The following PDLIM5 variants were observed in gnomAD, a reference collection of about 807,000 sequenced individuals.
PDLIM5 encodes the protein PDZ and LIM domain 5, also known as PDZ and LIM domain protein 5.
PDLIM5 carries 34 observed loss-of-function variants against 64.2 expected under a neutral mutation model. The observed-to-expected ratio is 0.53, with a 90% CI of 0.40 to 0.71. PDLIM5 has a LOEUF of 0.71. Ranked by LOEUF, PDLIM5 falls within the 30% of genes least tolerant of loss-of-function variation. PDLIM5 has a pLI of 0.00. For synonymous variants in PDLIM5, 253 were observed against 269.1 expected, an observed-to-expected ratio of 0.94 and a Z score of 0.59; for missense variants, 683 against 733.6, an observed-to-expected ratio of 0.93 and a Z score of 0.80.
At chr4:94,610,930 T>C (rs1369147470) in intron 7 of PDLIM5, 2 of 598,668 alleles carry the variant, frequency 3.3e-6, no homozygotes, top group Non-Finnish European at 5.9e-6. Context: ...TTTGCTGCTT[T>C]GTGCTTCCCC....
chr4:94,586,393 C>T lies in PDLIM5; in HGVS notation c.884-15C>T. The stretch of plus-strand genomic sequence containing the variant: ...CAAAACAAACTAATATTGGATATTG[C>T]TTATTATATTTCAGTGAAAGAATCT... On this transcript the variant is annotated splice_polypyrimidine_tract_variant and intron_variant, in intron 6 of 12. Transcript: ENST00000317968. 1 of 1,400,354 alleles carries T rather than the reference C, an allele frequency of 7.1e-7. No homozygotes were observed. The highest frequency in any genetic ancestry group is 1.0e-6 in the Non-Finnish European group (1 of 991,422). 86.7% of individuals were successfully genotyped at this position (1,400,354 alleles called of 1,614,324 possible).
At chr4:94,494,050 G>T (rs1171977282) in intron 2 of PDLIM5, among the ~76,000 whole-genome samples, 1 of 151,628 alleles carries the variant, frequency 6.6e-6, no homozygotes, top group Non-Finnish European at 1.5e-5. Flanking sequence ...GCCTCTACTT[G>T]CTGGGTTCAA....
At position 94,490,397 on chromosome 4, in the gene PDLIM5, G is replaced by T. The variant is rs866452529; in HGVS notation, c.97-33327G>T. 9.2e-5 allele frequency among the ~76,000 whole-genome samples: 14 copies of T among 151,894 alleles called. No individual in the cohort carries two copies. In the Middle Eastern group the frequency reaches 0.01, roughly 111 times the overall value. ...TTAAAATAAAAATAAGCTTATTAAA[G>T]ACTTATAAGTAAAATAACTAGAATT... is the stretch of plus-strand genomic sequence containing the variant. On this transcript the variant is annotated intron_variant, in intron 2 of 12. Coordinates refer to ENST00000317968, the MANE Select transcript of PDLIM5 (RefSeq NM_006457.5).
intron 7 of PDLIM5, among the ~76,000 whole-genome samples, chr4:94,609,706 A>G (rs1487868000): frequency 6.6e-6 from 1 of 152,160 alleles, no homozygotes; most frequent in African/African-American, 2.4e-5. Context: ...CATAAGTCGT[A>G]TTAAAATGTC....
At chr4:94,557,531 T>A (rs1007988983) in intron 3 of PDLIM5, among the ~76,000 whole-genome samples, 2 of 152,184 alleles carry the variant, frequency 1.3e-5, no homozygotes, top group Non-Finnish European at 2.9e-5. Flanking sequence ...ATTCTTCCTA[T>A]CCATGAGCAT....
rs750085117 is a variant in PDLIM5 at position 94,662,544 on chromosome 4, A to G, written c.1701+7A>G. 7.2e-6 allele frequency: 10 copies of G among 1,387,198 alleles called. No homozygotes were observed. Among genetic ancestry groups the G allele is most frequent in the Middle Eastern group, 1.8e-4 (1 of 5,620 alleles). 85.9% of individuals were successfully genotyped at this position (1,387,198 alleles called of 1,614,324 possible). A position where few individuals can be genotyped will look rare whatever the true frequency, so the allele number is the denominator to read the frequency against. On this transcript the variant is annotated splice_region_variant and intron_variant, in intron 12 of 12. Transcript: ENST00000317968. The stretch of plus-strand genomic sequence containing the variant: ...CACTTGCTTTGTATGCTCAGTAAGT[A>G]GAGTCTTATTTCCTAATTAAAGGGG...
chr4:94,576,859 C>A lies in PDLIM5; in HGVS notation c.710+825C>A, dbSNP rs1042951393. Among the ~76,000 whole-genome samples, 5 of 152,114 alleles carry A rather than the reference C, an allele frequency of 3.3e-5. No homozygotes were observed. The East Asian group carries it at 9.7e-4, about 29-fold the overall frequency. On this transcript the variant is annotated intron_variant, in intron 5 of 12. Transcript: ENST00000317968. ...AGATCACACATCTGTTTTTCAGCAA[C>A]CTTCAATTATTTGTTTATTTTTTTT...
intron 2 of PDLIM5, among the ~76,000 whole-genome samples, chr4:94,508,140 A>G (rs1430374112): frequency 6.6e-6 from 1 of 150,888 alleles, no homozygotes; most frequent in African/African-American, 2.5e-5. Context: ...ACATAAGAAC[A>G]TTTCCTTTCC....
At chr4:94,622,933 T>A (rs1178160510) in intron 8 of PDLIM5, among the ~76,000 whole-genome samples, 1 of 152,030 alleles carries the variant, frequency 6.6e-6, no homozygotes, top group Admixed American at 6.5e-5. Context: ...CCTCCCAAAG[T>A]GCTGGGATTA....
At chr4:94,574,629 A>T (rs1246864878) in intron 4 of PDLIM5, among the ~76,000 whole-genome samples, 1 of 152,028 alleles carries the variant, frequency 6.6e-6, no homozygotes, top group Non-Finnish European at 1.5e-5. Flanking sequence ...ATAGGGATTT[A>T]TTCTTGATCT....
At chr4:94,630,259 C>G (rs1452509313) in intron 8 of PDLIM5, among the ~76,000 whole-genome samples, 1 of 152,172 alleles carries the variant, frequency 6.6e-6, no homozygotes, top group Non-Finnish European at 1.5e-5. Flanking sequence ...ACACCTCTTG[C>G]AGTTGAGCCA....
At chr4:94,531,748 A>G (rs1002759315) in intron 3 of PDLIM5, among the ~76,000 whole-genome samples, 1 of 152,084 alleles carries the variant, frequency 6.6e-6, no homozygotes, top group Non-Finnish European at 1.5e-5. Flanking sequence ...GTCTCCTAGT[A>G]GATATTTGAT....
intron 2 of PDLIM5, among the ~76,000 whole-genome samples, chr4:94,523,455 A>G (rs890615982): frequency 3.3e-5 from 5 of 152,254 alleles, no homozygotes; most frequent in Non-Finnish European, 7.3e-5. Flanking sequence ...ACTGTTGCAC[A>G]ATAAAGAAAT....
chr4:94,477,480 A>G (rs1725427749), intron 2 of PDLIM5, among the ~76,000 whole-genome samples: 1 of 152,084 alleles, frequency 6.6e-6, no homozygotes, highest in Admixed American at 6.6e-5. Flanking sequence ...TATCTGAGAG[A>G]TACTTCCTTT....
intron 2 of PDLIM5, among the ~76,000 whole-genome samples, chr4:94,459,812 C>T (rs1723714422): frequency 6.6e-6 from 1 of 152,190 alleles, no homozygotes; most frequent in African/African-American, 2.4e-5. Context: ...GAAATTTAAA[C>T]ACCTCAAAGT....
intron 7 of PDLIM5, among the ~76,000 whole-genome samples, chr4:94,604,431 C>T (rs1009986177): frequency 6.6e-6 from 1 of 152,020 alleles, no homozygotes; most frequent in Non-Finnish European, 1.5e-5. Context: ...GTCGGGAGTT[C>T]GAGACCAGCC....
intron 4 of PDLIM5, among the ~76,000 whole-genome samples, chr4:94,574,364 G>A (rs1735066386): frequency 6.6e-6 from 1 of 151,980 alleles, no homozygotes; most frequent in Non-Finnish European, 1.5e-5. Flanking sequence ...TGGGCATGGT[G>A]TCACGCATCT....
intron 2 of PDLIM5, among the ~76,000 whole-genome samples, chr4:94,513,707 G>T (rs1490712646): frequency 2.6e-5 from 4 of 152,088 alleles, no homozygotes; most frequent in Non-Finnish European, 4.4e-5. Context: ...TTGGAACGTT[G>T]TATCTTTTTT....
At chr4:94,542,140 C>T (rs919766519) in intron 3 of PDLIM5, among the ~76,000 whole-genome samples, 6 of 151,884 alleles carry the variant, frequency 4.0e-5, no homozygotes, top group East Asian at 3.9e-4. Flanking sequence ...GGTGAAACTC[C>T]GTCTCTACTA....
Sources: allele counts gnomAD v4.1 joint callset (sites outside exome capture counted in the v4.1 genomes callset), GRCh38; gene constraint gnomAD v4.1.1; transcripts MANE v1.5; gene names NCBI Gene and HGNC (gene_info 2026-07-23, HGNC 2026-07-21).